Variants in XRN2 observed in about 807,000 individuals in gnomAD.
XRN2 encodes 5'-3' exoribonuclease 2.
XRN2 carries 44 observed loss-of-function variants against 138.5 expected under a neutral mutation model. The observed-to-expected ratio is 0.32, with a 90% CI of 0.25 to 0.41. XRN2 has a LOEUF of 0.41. XRN2 is among the 10% of genes least tolerant of loss of function. The probability of loss-of-function intolerance (pLI) is 1.00; values close to 1 mark genes in which losing one functional copy is unlikely to be tolerated. For synonymous variants in XRN2, 354 were observed against 369.4 expected (o/e 0.96, Z 0.48); for missense variants, 937 against 1,169.3 (o/e 0.80, Z 2.90).
chr20:21,341,000 G>T, intron 15 of XRN2, 148 bp downstream of exon 15: 3 of 846,740 alleles, frequency 3.5e-6, no homozygotes. Flanking sequence ...GTTTAGTTCT[G>T]TTAAGTCCAT....
Position 21,356,648 on chromosome 20 carries a change from A to G in XRN2, c.2181A>G (p.Glu727=). ...GIQGKFSLDE[E]AILPDQIVCS... ...AAGGAAAGTTTTCTTTGGATGAAGA[A>G]GCCATTCTTCCAGATCAGTAAGTTT... The change falls in exon 23 of 30, where the codon GAA becomes GAG. Residue 727 remains glutamate (E), a synonymous_variant. Coordinates refer to ENST00000377191, the MANE Select transcript of XRN2 (RefSeq NM_012255.5). 1 of 1,613,666 alleles carries G rather than the reference A, an allele frequency of 6.2e-7. No homozygotes were observed. Among genetic ancestry groups the G allele is most frequent in the Non-Finnish European group, 8.5e-7 (1 of 1,179,676 alleles).
chr20:21,349,551 T>C (rs2038480487), intron 20 of XRN2, 90 bp downstream of exon 20: 1 of 1,080,264 alleles, frequency 9.3e-7, no homozygotes. Context: ...TATTTTAGCC[T>C]GGGCAACATG....
Position 21,368,576 on chromosome 20 carries a change from C to T in XRN2, c.2570C>T (p.Pro857Leu), listed in dbSNP as rs1329325814. The T allele has an allele frequency of 6.2e-7, 1 of 1,613,530 alleles. No homozygotes were observed. ...RPLLRGQAQI[P>L]KLMSNMRPQD... is the part of the protein sequence containing the mutation. ...CTTTTGAGAGGACAAGCCCAGATTC[C>T]AAAACTTATGTCAAGTAAGCTTTTA... Residue 857 changes from proline to leucine, a missense_variant, in exon 27 of 30, where the codon CCA becomes CTA. By Grantham distance (98) the Pro-to-Leu change is moderately conservative (BLOSUM62 -3). Transcript: ENST00000377191.
intron 26 of XRN2, among the ~76,000 whole-genome samples, chr20:21,367,721 A>G (rs1443888003): frequency 6.6e-6 from 1 of 152,108 alleles, no homozygotes; most frequent in Admixed American, 6.6e-5. Context: ...TGTTATTGTC[A>G]TTGTTTTGGA....
At chr20:21,365,746 T>G (rs1284832778) in intron 26 of XRN2, 42 bp downstream of exon 26, 3 of 1,538,458 alleles carry the variant, frequency 1.9e-6, no homozygotes, top group South Asian at 2.5e-5. Context: ...TTGCTTTTTC[T>G]GAATCATCCC....
At chr20:21,377,864 C>T (rs1429927821) in intron 27 of XRN2, among the ~76,000 whole-genome samples, 2 of 152,104 alleles carry the variant, frequency 1.3e-5, no homozygotes, top group East Asian at 1.9e-4. Context: ...TTTTTTGTCC[C>T]TAGGGAGATA....
In XRN2 at chr20:21,353,138, ATAATATT is replaced by A. The variant is rs1397301045; in HGVS notation, c.1937-1637_1937-1631del. On this transcript the variant is annotated intron_variant, in intron 20 of 29. Transcript: ENST00000377191. Reference sequence around the variant, plus strand: ...TTTATATATGTATAATATTTAATATATAATATTTAATATTTAATATATAATATAATAT... The same window carrying A: ...TTTATATATGTATAATATTTAATATATAATATTTAATATATAATATAATAT... 1.7e-3 allele frequency among the ~76,000 whole-genome samples: 251 copies of A among 146,456 alleles called. 1 individual carries two copies. The highest frequency in any genetic ancestry group is 7.2e-3 in the East Asian group (37 of 5,110).
chr20:21,364,785 A>G (rs1453701340), intron 24 of XRN2, among the ~76,000 whole-genome samples: 18 of 151,486 alleles, frequency 1.2e-4, no homozygotes, highest in African/African-American at 4.1e-4. Context: ...CAGCCTGGGC[A>G]ACAGGGCGAG....
chr20:21,355,707 T>G (rs766027751), intron 21 of XRN2, among the ~76,000 whole-genome samples: 7 of 152,090 alleles, frequency 4.6e-5, no homozygotes, highest in African/African-American at 9.6e-5. Flanking sequence ...TTAAAAAATT[T>G]TTTTTAAATT....
intron 26 of XRN2, among the ~76,000 whole-genome samples, chr20:21,367,480 G>T (rs565454709): frequency 1.1e-4 from 16 of 151,906 alleles, no homozygotes; most frequent in African/African-American, 3.9e-4. Context: ...GTGATTAAGA[G>T]CATGGGCTTT....
At chr20:21,339,872 T>G (rs576309055) in intron 14 of XRN2, among the ~76,000 whole-genome samples, 1 of 152,186 alleles carries the variant, frequency 6.6e-6, no homozygotes, top group East Asian at 1.9e-4. Flanking sequence ...TTGTGGAGTT[T>G]AGGGACTGCC....
In XRN2 at chr20:21,388,492, A is replaced by T. The variant is rs114088524; in HGVS notation, c.2788-781A>T. Among the ~76,000 whole-genome samples, 614 of 152,348 alleles carry T rather than the reference A, an allele frequency of 4.0e-3. 6 individuals carry two copies. The highest frequency in any genetic ancestry group is 0.014 in the African/African-American group (596 of 41,576). ...CAGAAGTTTGTTGTTAAAAACATAG[A>T]ATCATTACTTCATTGTATTTTTAGT... On this transcript the variant is annotated intron_variant, in intron 29 of 29. Coordinates refer to ENST00000377191, the MANE Select transcript of XRN2 (RefSeq NM_012255.5).
At chr20:21,364,960 A>T (rs1226667066) in intron 24 of XRN2, among the ~76,000 whole-genome samples, 1 of 152,078 alleles carries the variant, frequency 6.6e-6, no homozygotes, top group African/African-American at 2.4e-5. Context: ...TAGATTTCTT[A>T]GCTATTTGTG....
At chr20:21,327,763 C>A (rs1357115857) in intron 3 of XRN2, among the ~76,000 whole-genome samples, 1 of 151,996 alleles carries the variant, frequency 6.6e-6, no homozygotes, top group African/African-American at 2.4e-5. Context: ...CTTGAGAGGG[C>A]TTCATTAGAT....
intron 1 of XRN2, 181 bp downstream of exon 1, chr20:21,303,654 C>T (rs2037770860): frequency 1.5e-6 from 2 of 1,338,474 alleles, no homozygotes; most frequent in African/African-American, 1.6e-5. Context: ...ATTCAGCACC[C>T]CGGGGGCGAG....
intron 4 of XRN2, among the ~76,000 whole-genome samples, chr20:21,329,818 A>C (rs563336467): frequency 1.8e-5 from 2 of 110,532 alleles, no homozygotes; most frequent in East Asian, 6.5e-4. Context: ...AGGCACCTTT[A>C]TTTTAGGAAC....
intron 21 of XRN2, among the ~76,000 whole-genome samples, chr20:21,355,781 G>A (rs949093448): frequency 5.3e-5 from 8 of 152,004 alleles, no homozygotes; most frequent in African/African-American, 1.9e-4. Context: ...TATACAATAT[G>A]TGATCAAAAT....
chr20:21,355,821 TTTATC>T (rs2038569411), intron 21 of XRN2, among the ~76,000 whole-genome samples: 1 of 152,126 alleles, frequency 6.6e-6, no homozygotes, highest in Non-Finnish European at 1.5e-5. Flanking sequence ...TCACCTCACA[TTTATC>T]TTTTCTTTGT....
intron 1 of XRN2, among the ~76,000 whole-genome samples, chr20:21,310,494 A>G (rs1022765677): frequency 6.6e-6 from 1 of 152,166 alleles, no homozygotes; most frequent in Non-Finnish European, 1.5e-5. Flanking sequence ...TAGGTGCATA[A>G]ATGCTTAACA....
Sources: gnomAD v4.1 joint callset for allele counts (sites outside exome capture counted in the v4.1 genomes callset) on GRCh38, gnomAD v4.1.1 for gene constraint, MANE v1.5 for transcripts, NCBI Gene and HGNC (gene_info 2026-07-23, HGNC 2026-07-21) for gene names.